The following MEGF10 variants were observed in gnomAD, a reference collection of about 807,000 sequenced individuals.
MEGF10 encodes multiple epidermal growth factor-like domains protein 10.
MEGF10 carries 86 observed loss-of-function variants against 147.5 expected under a neutral mutation model. The ratio of observed to expected loss-of-function variants is 0.58; its 90% confidence interval spans 0.49 to 0.70. MEGF10 has a LOEUF of 0.70. MEGF10 is among the 30% of genes least tolerant of loss of function. The probability of loss-of-function intolerance (pLI) is 0.00; values close to 1 mark genes in which losing one functional copy is unlikely to be tolerated. For synonymous variants in MEGF10, 478 were observed against 525.5 expected (o/e 0.91, Z 1.24); for missense variants, 1,329 against 1,487.3 (o/e 0.89, Z 1.75).
At chr5:127,416,965 G>A (rs1197180871) in intron 9 of MEGF10, among the ~76,000 whole-genome samples, 1 of 152,224 alleles carries the variant, frequency 6.6e-6, no homozygotes, top group Non-Finnish European at 1.5e-5. Context: ...CATCAGGCAA[G>A]GAAGACCATC....
At chr5:127,339,829 C>A (rs1761610302) in intron 3 of MEGF10, among the ~76,000 whole-genome samples, 1 of 152,184 alleles carries the variant, frequency 6.6e-6, no homozygotes, top group Non-Finnish European at 1.5e-5. Context: ...TTCACACAAG[C>A]TGGCCTTGGC....
At chr5:127,417,924 A>G in intron 10 of MEGF10, 112 bp downstream of exon 10, 1 of 1,096,524 alleles carries the variant, frequency 9.1e-7, no homozygotes, top group Non-Finnish European at 1.3e-6. Flanking sequence ...AAAGTCATCC[A>G]CATCATTAAA....
intron 2 of MEGF10, among the ~76,000 whole-genome samples, chr5:127,337,033 T>C (rs1268182675): frequency 1.3e-5 from 2 of 152,064 alleles, no homozygotes; most frequent in East Asian, 3.9e-4. Flanking sequence ...TCAGAAAATA[T>C]GATTAAGTAT....
intron 4 of MEGF10, among the ~76,000 whole-genome samples, chr5:127,368,975 G>A (rs938578134): frequency 2.6e-5 from 4 of 151,946 alleles, no homozygotes; most frequent in African/African-American, 9.7e-5. Context: ...TGGAGATAAG[G>A]CTTATTTTAC....
chr5:127,391,807 C>T (rs1041629037), intron 5 of MEGF10, among the ~76,000 whole-genome samples: 2 of 151,894 alleles, frequency 1.3e-5, no homozygotes, highest in African/African-American at 4.8e-5. Flanking sequence ...GTCATTGCAT[C>T]CTAACATCTA....
the MEGF10 span, among the ~76,000 whole-genome samples, chr5:127,231,868 A>G: frequency 1.3e-5 from 2 of 152,210 alleles, no homozygotes; most frequent in Admixed American, 6.5e-5. Flanking sequence ...GGAAGAAGAG[A>G]GAGAGCCTAA....
In MEGF10 at chr5:127,396,643, G is replaced by A. The variant is rs764487174; in HGVS notation, c.524G>A (p.Gly175Asp). 23 of 1,613,968 alleles carry A rather than the reference G, an allele frequency of 1.4e-5. No homozygotes were observed. In the Admixed American group the frequency reaches 2.3e-4, roughly 16 times the overall value. ...GACHCAAGFR[G>D]WRCEDRCEQG... ...TGCCACTGTGCTGCGGGCTTCCGGG[G>A]CTGGCGCTGCGAGGACCGCTGTGAG... Residue 175 changes from glycine (G) to aspartate (D), a missense_variant, in exon 6 of 25, where the codon GGC becomes GAC. By Grantham distance (94) the Gly-to-Asp change is moderately conservative. Coordinates refer to ENST00000503335, the MANE Select transcript of MEGF10 (RefSeq NM_001256545.2).
the MEGF10 span, among the ~76,000 whole-genome samples, chr5:127,239,707 G>A: frequency 1.9e-4 from 29 of 151,968 alleles, no homozygotes; most frequent in African/African-American, 6.5e-4. Flanking sequence ...TGTTGTTGGC[G>A]CTTAGGGTTG....
intron 5 of MEGF10, among the ~76,000 whole-genome samples, chr5:127,389,420 G>A (rs575647751): frequency 6.6e-6 from 1 of 152,192 alleles, no homozygotes; most frequent in Non-Finnish European, 1.5e-5. Flanking sequence ...CCATTATTGG[G>A]TATATATCCA....
At chr5:127,417,913 T>C (rs955258442) in intron 10 of MEGF10, 101 bp downstream of exon 10, 1 of 1,218,220 alleles carries the variant, frequency 8.2e-7, no homozygotes, top group Admixed American at 2.9e-5. Context: ...GTGAATGTGC[T>C]AAAGTCATCC....
At chr5:127,372,983 T>A (rs187417233) in intron 5 of MEGF10, among the ~76,000 whole-genome samples, 1 of 152,344 alleles carries the variant, frequency 6.6e-6, no homozygotes, top group East Asian at 1.9e-4. Flanking sequence ...TCTGCCTATA[T>A]TATTTGGAAT....
chr5:127,290,108 A>C (rs1759173433), upstream of MEGF10, among the ~76,000 whole-genome samples: 1 of 152,176 alleles, frequency 6.6e-6, no homozygotes, highest in African/African-American at 2.4e-5. Context: ...GCGAGTCGGC[A>C]GAGGGAGCCA....
chr5:127,366,461 T>A (rs1762658082), intron 4 of MEGF10, among the ~76,000 whole-genome samples: 1 of 152,204 alleles, frequency 6.6e-6, no homozygotes, highest in South Asian at 2.1e-4. Context: ...ATATTTCTCA[T>A]CATTTAGATC....
the MEGF10 span, among the ~76,000 whole-genome samples, chr5:127,273,117 A>C: frequency 3.9e-5 from 6 of 152,208 alleles, no homozygotes; most frequent in Admixed American, 3.9e-4. Context: ...GTCTTTGTGC[A>C]TGCCGGAGCA....
intron 16 of MEGF10, among the ~76,000 whole-genome samples, 176 bp from the exon 17 acceptor site, chr5:127,438,263 G>A (rs1357794923): frequency 6.6e-6 from 1 of 152,198 alleles, no homozygotes; most frequent in African/African-American, 2.4e-5. Context: ...AGTCGTTGTT[G>A]AAGTTGCCAT....
intron 22 of MEGF10, among the ~76,000 whole-genome samples, chr5:127,452,797 G>A (rs1766204371): frequency 6.6e-6 from 1 of 152,144 alleles, no homozygotes; most frequent in African/African-American, 2.4e-5. Context: ...GGAGCTGAGG[G>A]CAAAGGCCAC....
rs1217705124 is a variant in MEGF10 at position 127,422,723 on chromosome 5, T to C, written c.1644T>C (p.Asp548=). The C allele has an allele frequency of 2.5e-6, 4 of 1,614,048 alleles. No individual in the cohort carries two copies. Among genetic ancestry groups the C allele is most frequent in the Non-Finnish European group, 3.4e-6 (4 of 1,180,018 alleles). ...CAERCDCSHA[D]GCHPTTGHCR... ...AGCGCTGCGACTGCAGCCACGCAGATGGCTGCCACCCTACCACGGGCCATT... is the reference window on the plus strand; with the variant it reads ...AGCGCTGCGACTGCAGCCACGCAGACGGCTGCCACCCTACCACGGGCCATT... The change falls in exon 13 of 25, where the codon GAT becomes GAC. Residue 548 remains aspartate, a synonymous_variant. Transcript: ENST00000503335.
rs577712896 is a variant in MEGF10, at chr5:127,385,495, ACTC to A, written c.413-11034_413-11032del. Among the ~76,000 whole-genome samples, 307 of 152,018 alleles carry A rather than the reference ACTC, an allele frequency of 2.0e-3. 2 individuals are homozygous for A. The highest frequency in any genetic ancestry group is 7.0e-3 in the African/African-American group (292 of 41,454). The stretch of plus-strand genomic sequence containing the variant: ...GCCATGTTGGCGAGGCTGGTCTCAT[ACTC>A]CTGACCTCAGGTGATCTGCCCGACT... On this transcript the variant is annotated intron_variant, in intron 5 of 24. Coordinates refer to ENST00000503335, the MANE Select transcript of MEGF10 (RefSeq NM_001256545.2).
At chr5:127,418,384 T>G (rs1764857984) in intron 10 of MEGF10, among the ~76,000 whole-genome samples, 1 of 152,254 alleles carries the variant, frequency 6.6e-6, no homozygotes, top group Non-Finnish European at 1.5e-5. Flanking sequence ...GTTCTTGAAT[T>G]ATTCCTTCCC....
Sources: allele counts gnomAD v4.1 joint callset (sites outside exome capture counted in the v4.1 genomes callset), GRCh38; gene constraint gnomAD v4.1.1; transcripts MANE v1.5; gene names NCBI Gene and HGNC (gene_info 2026-07-23, HGNC 2026-07-21).